Variants in PTPN5 observed in about 807,000 individuals in gnomAD.
The protein encoded by PTPN5 is protein tyrosine phosphatase non-receptor type 5.
Under a neutral mutation model 73.9 loss-of-function variants are expected in PTPN5, and 29 were observed. The ratio of observed to expected loss-of-function variants is 0.39; its 90% confidence interval spans 0.29 to 0.54. PTPN5 has a LOEUF of 0.54. Ranked by LOEUF, PTPN5 falls within the 20% of genes least tolerant of loss-of-function variation. The pLI is 0.65. For missense variants in PTPN5, 652 were observed against 751.4 expected, an observed-to-expected ratio of 0.87 and a Z score of 1.55; for synonymous variants, 267 against 304.7, an observed-to-expected ratio of 0.88 and a Z score of 1.29.
Position 18,737,901 on chromosome 11 carries a change from G to C in PTPN5, c.979C>G (p.Arg327Gly). The change falls in exon 9 of 15, where the codon CGG becomes GGG. Residue 327 changes from arginine to glycine, a missense_variant. Arg to Gly is a moderately radical substitution (Grantham distance 125). Around this residue, in one of 3 missense-constraint regions of PTPN5, gnomAD observed 529 missense variants for 573.9 expected, o/e 0.92. Coordinates refer to ENST00000358540, the MANE Select transcript of PTPN5 (RefSeq NM_006906.2). ...YDIPGLVRKNRYKTILPNPHS... is the reference protein window; with the variant it reads ...YDIPGLVRKNGYKTILPNPHS... ...TCACTGGGAAGTATGGTTTTGTACCGGTTCTTCCGCACCAGCCCAGGGATG... is the reference window on the plus strand; with the variant it reads ...TCACTGGGAAGTATGGTTTTGTACCCGTTCTTCCGCACCAGCCCAGGGATG... 6.2e-7 allele frequency: 1 copy of C among 1,614,052 alleles called. No individual in the cohort carries two copies. Among genetic ancestry groups the C allele is most frequent in the Non-Finnish European group, 8.5e-7 (1 of 1,179,938 alleles).
intron 3 of PTPN5, among the ~76,000 whole-genome samples, chr11:18,761,688 A>G (rs1266214539): frequency 6.6e-6 from 1 of 152,054 alleles, no homozygotes; most frequent in Non-Finnish European, 1.5e-5. Flanking sequence ...GGAGAGGGAG[A>G]AAAGGAGTCT....
intron 1 of PTPN5, among the ~76,000 whole-genome samples, chr11:18,777,700 T>C (rs1007702000): frequency 1.3e-5 from 2 of 152,078 alleles, no homozygotes; most frequent in African/African-American, 4.8e-5. Context: ...AATTCCAGCA[T>C]TTTAGGAGGC....
intron 2 of PTPN5, among the ~76,000 whole-genome samples, chr11:18,770,507 T>C (rs757708153): frequency 3.3e-5 from 5 of 152,260 alleles, no homozygotes; most frequent in Non-Finnish European, 5.9e-5. Context: ...AATAATATTC[T>C]ACTGTAGGAC....
In PTPN5 at chr11:18,755,983, G is replaced by A. The variant is rs572680736; in HGVS notation, c.97+9824C>T. Among the ~76,000 whole-genome samples the A allele has an allele frequency of 3.3e-3, 441 of 131,958 alleles. 2 individuals are homozygous for A. The highest frequency in any genetic ancestry group is 0.012 in the African/African-American group (422 of 35,664). The allele number at this position is 131,958 out of a possible 152,430, so 86.6% of individuals were successfully genotyped here. A position where few individuals can be genotyped will look rare whatever the true frequency, so the allele number is the denominator to read the frequency against. On this transcript the variant is annotated intron_variant, in intron 3 of 14. Coordinates refer to ENST00000358540, the MANE Select transcript of PTPN5 (RefSeq NM_006906.2). ...CGTGCCACTGCACTCCAGCCTGGGC[G>A]ACAGAGTGAGACTCTAAATAAAAAA...
At chr11:18,765,545 C>T (rs909452478) in intron 3 of PTPN5, among the ~76,000 whole-genome samples, 5 of 152,200 alleles carry the variant, frequency 3.3e-5, no homozygotes, top group Non-Finnish European at 5.9e-5. Context: ...GCTCTTCGTC[C>T]TTCTTTTCAC....
At chr11:18,739,433 C>T (rs556660073) in intron 8 of PTPN5, among the ~76,000 whole-genome samples, 1 of 152,112 alleles carries the variant, frequency 6.6e-6, no homozygotes, top group Non-Finnish European at 1.5e-5. Flanking sequence ...AAGGCACGGA[C>T]GAGACTGGCC....
chr11:18,785,123 G>A (rs1245358872), intron 1 of PTPN5, among the ~76,000 whole-genome samples: 2 of 152,108 alleles, frequency 1.3e-5, no homozygotes, highest in Non-Finnish European at 2.9e-5. Flanking sequence ...AAAGTGCTGG[G>A]ATTACAGGCA....
chr11:18,775,530 A>AAGCT (rs1851106845), intron 1 of PTPN5, among the ~76,000 whole-genome samples: 1 of 152,172 alleles, frequency 6.6e-6, no homozygotes, highest in Admixed American at 6.5e-5. Flanking sequence ...TCTCCACTTG[A>AAGCT]AGCAACAGCC....
rs907135096 is a variant in PTPN5, at chr11:18,740,693, G to A, written c.825C>T (p.Arg275=). 5.0e-6 allele frequency: 8 copies of A among 1,609,174 alleles called. No individual in the cohort carries two copies. In the East Asian group the frequency reaches 1.4e-4, roughly 27 times the overall value. The change falls in exon 8 of 15, where the codon CGC becomes CGT. Residue 275 remains arginine (R), a synonymous_variant. Transcript: ENST00000358540. ...YLMSPREESA[R]EYLLSASRVL... Reference sequence around the variant, plus strand: ...CACGGGAGGCGCTGAGCAGGTACTCGCGGGCGGACTCCTCACGTGGGGACA... The same window carrying A: ...CACGGGAGGCGCTGAGCAGGTACTCACGGGCGGACTCCTCACGTGGGGACA...
intron 2 of PTPN5, among the ~76,000 whole-genome samples, chr11:18,766,460 C>T (rs570630563): frequency 6.6e-6 from 1 of 152,152 alleles, no homozygotes; most frequent in Non-Finnish European, 1.5e-5. Context: ...TCCCCTCTGC[C>T]CCAGGCAGTG....
At chr11:18,763,789 A>C (rs56282775) in intron 3 of PTPN5, among the ~76,000 whole-genome samples, 37,051 of 152,044 alleles carry the variant, frequency 0.24, 5,359 homozygotes, top group South Asian at 0.34. Context: ...CCCCCAGGAC[A>C]CTTGTGAGGA....
chr11:18,732,748 C>T (rs1411206305), intron 11 of PTPN5, 46 bp from the exon 12 acceptor site: 1 of 1,496,850 alleles, frequency 6.7e-7, no homozygotes, highest in Non-Finnish European at 9.3e-7. Flanking sequence ...GTTCCCTTCC[C>T]ACAACTCTCT....
chr11:18,788,152 T>G (rs370781997), intron 1 of PTPN5, among the ~76,000 whole-genome samples: 1 of 152,206 alleles, frequency 6.6e-6, no homozygotes, highest in East Asian at 1.9e-4. Context: ...TGTGGCCTCT[T>G]GCATCAACTC....
At chr11:18,743,175 G>A in intron 5 of PTPN5, 100 bp from the exon 6 acceptor site, 3 of 1,211,348 alleles carry the variant, frequency 2.5e-6, no homozygotes, top group East Asian at 4.8e-5. Context: ...CACGTCCCAG[G>A]TCTGGGATGG....
chr11:18,746,588 CA>C (rs909714161), intron 3 of PTPN5, among the ~76,000 whole-genome samples: 41 of 67,914 alleles, frequency 6.0e-4, no homozygotes, highest in African/African-American at 1.5e-3. Context: ...AATGCTAACA[CA>C]TAATTAATTC....
intron 1 of PTPN5, among the ~76,000 whole-genome samples, chr11:18,781,323 C>CTTTTTTTT (rs58611404): frequency 8.7e-6 from 1 of 114,432 alleles, no homozygotes; most frequent in Middle Eastern, 6.4e-3. Flanking sequence ...TTTTTGACCA[C>CTTTTTTTT]TTTTTTTTTT....
rs568574284 is a variant in PTPN5 at position 18,778,936 on chromosome 11, A to G, written c.-113-6865T>C. On this transcript the variant is annotated intron_variant, in intron 1 of 14. Coordinates refer to ENST00000358540, the MANE Select transcript of PTPN5 (RefSeq NM_006906.2). The stretch of plus-strand genomic sequence containing the variant: ...CTGGTTTCATCCCTAGACTTCCCTC[A>G]TGCTGCCCTGGGCCTGGGCTGCCCA... Among the ~76,000 whole-genome samples the G allele has an allele frequency of 5.3e-5, 8 of 152,198 alleles. No individual in the cohort carries two copies. The South Asian group carries it at 1.7e-3, about 32-fold the overall frequency.
At chr11:18,732,531 A>G in intron 12 of PTPN5, 61 bp downstream of exon 12, 1 of 1,243,324 alleles carries the variant, frequency 8.0e-7, no homozygotes, top group Non-Finnish European at 1.2e-6. Flanking sequence ...TTCTCTGTGG[A>G]GCCCCCAGTT....
At chr11:18,747,257 T>C (rs1028572934) in intron 3 of PTPN5, among the ~76,000 whole-genome samples, 1 of 151,844 alleles carries the variant, frequency 6.6e-6, no homozygotes, top group African/African-American at 2.4e-5. Context: ...TTCAAGCAAT[T>C]CTCCTGCATC....
Sources: allele counts gnomAD v4.1 joint callset (sites outside exome capture counted in the v4.1 genomes callset), GRCh38; gene constraint gnomAD v4.1.1; regional missense constraint gnomAD v4.1.1; transcripts MANE v1.5; gene names NCBI Gene and HGNC (gene_info 2026-07-23, HGNC 2026-07-21).